CTTNBP2: variants seen among roughly 807,000 people sequenced by gnomAD.
CTTNBP2 encodes the protein cortactin binding protein 2.
CTTNBP2 carries 108 observed loss-of-function variants against 156.9 expected under a neutral mutation model. That is an observed-to-expected ratio of 0.69 (90% CI 0.59 to 0.81). The LOEUF (loss-of-function observed/expected upper bound fraction) is 0.81. CTTNBP2 is among the 30% of genes least tolerant of loss of function. CTTNBP2 has a pLI of 0.00. For missense variants in CTTNBP2, 1,924 were observed against 2,035.4 expected, an observed-to-expected ratio of 0.95 and a Z score of 1.05; for synonymous variants, 767 against 751.8, an observed-to-expected ratio of 1.02 and a Z score of -0.33.
intron 2 of CTTNBP2, among the ~76,000 whole-genome samples, chr7:117,855,819 C>T (rs576754891): frequency 1.4e-4 from 21 of 152,158 alleles, no homozygotes; most frequent in Admixed American, 4.6e-4. Context: ...GCCTAGATGG[C>T]ACTATACAGA....
intron 2 of CTTNBP2, among the ~76,000 whole-genome samples, chr7:117,847,279 T>TAAGCTACCCTGTA (rs879731526): frequency 7.2e-5 from 11 of 152,206 alleles, no homozygotes; most frequent in Non-Finnish European, 8.8e-5. Flanking sequence ...CTCACGCCTG[T>TAAGCTACCCTGTA]AATCCCAGCA....
intron 2 of CTTNBP2, among the ~76,000 whole-genome samples, chr7:117,817,191 G>A (rs898350604): frequency 4.6e-5 from 7 of 150,696 alleles, no homozygotes; most frequent in South Asian, 2.1e-4. Flanking sequence ...AATATTAGCC[G>A]GGTGTGGTGG....
intron 2 of CTTNBP2, among the ~76,000 whole-genome samples, chr7:117,851,691 C>G (rs1418632947): frequency 7.2e-5 from 11 of 152,084 alleles, no homozygotes; most frequent in Non-Finnish European, 1.6e-4. Context: ...CATTAGTTGT[C>G]CTATCTACAG....
intron 2 of CTTNBP2, among the ~76,000 whole-genome samples, chr7:117,844,443 G>A (rs1802462935): frequency 6.6e-6 from 1 of 152,146 alleles, no homozygotes; most frequent in Admixed American, 6.5e-5. Flanking sequence ...TGTAGGGTAT[G>A]GGAGAAAAGG....
At position 117,792,305 on chromosome 7, in the gene CTTNBP2, T is replaced by C. The variant is rs1375002806; in HGVS notation, c.891A>G (p.Thr297=). 6.2e-7 allele frequency: 1 copy of C among 1,614,132 alleles called. No individual in the cohort carries two copies. The highest frequency in any genetic ancestry group is 8.5e-7 in the Non-Finnish European group (1 of 1,180,050). Residue 297 remains threonine, a synonymous_variant, in exon 4 of 23, where the codon ACA becomes ACG. Transcript: ENST00000160373. This position sits in a 1 kb window ranked among gnomAD's most constrained non-coding sequence, Gnocchi z 4.2. ...CAACAGACCTTGTCACAGTTCCTTC[T>C]GTTCCCACAGATATGGAAACCAAAC... is the stretch of plus-strand genomic sequence containing the variant. ...DRRLVSISVG[T]EGTVTRSVAC...
intron 1 of CTTNBP2, among the ~76,000 whole-genome samples, chr7:117,872,916 C>T (rs1804720365): frequency 6.6e-6 from 1 of 151,620 alleles, no homozygotes; most frequent in South Asian, 2.1e-4. Context: ...ACCAGGCACC[C>T]CCGAGACACG....
At chr7:117,821,938 TTTC>T (rs1800995118) in intron 2 of CTTNBP2, among the ~76,000 whole-genome samples, 5 of 152,270 alleles carry the variant, frequency 3.3e-5, no homozygotes, top group Admixed American at 3.3e-4. Context: ...TCTGTAATTT[TTTC>T]TTTTTAATAC....
chr7:117,728,304 T>A (rs1795216092), intron 16 of CTTNBP2, 37 bp from the exon 17 acceptor site: 1 of 1,496,822 alleles, frequency 6.7e-7, no homozygotes, highest in South Asian at 1.2e-5. Context: ...GGGGCTTGGT[T>A]TAGAACATTT....
At chr7:117,758,484 C>T (rs890804759) in intron 10 of CTTNBP2, among the ~76,000 whole-genome samples, 1 of 151,854 alleles carries the variant, frequency 6.6e-6, no homozygotes, top group South Asian at 2.1e-4. Flanking sequence ...CCTCTGCTCA[C>T]TCTTGTTCTG....
chr7:117,720,192 T>C (rs1354219726), intron 20 of CTTNBP2, among the ~76,000 whole-genome samples: 2 of 152,112 alleles, frequency 1.3e-5, no homozygotes, highest in African/African-American at 2.4e-5. Context: ...CCCTTCTCTC[T>C]CTTTACCCTC....
chr7:117,791,295 G>C lies in CTTNBP2; in HGVS notation c.1901C>G (p.Ser634Cys). ...TGCAGCAGGCCAGGCACCCACCTGA[G>C]ACGTGGCCAGGGCTGAAACGGCACA... Reference protein sequence around the residue: ...AGCAVSALATSQVGAWPAATP... With the variant: ...AGCAVSALATCQVGAWPAATP... The change falls in exon 4 of 23, where the codon TCT (serine) becomes TGT (cysteine). Residue 634 changes from serine (S) to cysteine (C), a missense_variant. By Grantham distance (112) the Ser-to-Cys change is moderately radical. Transcript: ENST00000160373. 6.2e-7 allele frequency: 1 copy of C among 1,614,192 alleles called. No individual in the cohort carries two copies. The highest frequency in any genetic ancestry group is 8.5e-7 in the Non-Finnish European group (1 of 1,180,032).
chr7:117,860,318 T>G (rs1803631995), intron 2 of CTTNBP2, among the ~76,000 whole-genome samples: 2 of 152,052 alleles, frequency 1.3e-5, no homozygotes, highest in Admixed American at 6.6e-5. Flanking sequence ...TGATTAGACT[T>G]TCTTGATGTA....
chr7:117,755,732 T>A (rs1464140110), intron 12 of CTTNBP2, among the ~76,000 whole-genome samples: 1 of 152,274 alleles, frequency 6.6e-6, no homozygotes, highest in Non-Finnish European at 1.5e-5. Flanking sequence ...TACTTTCTTT[T>A]AATGATCATA....
intron 14 of CTTNBP2, among the ~76,000 whole-genome samples, chr7:117,740,592 T>TA (rs751694410): frequency 2.7e-4 from 41 of 152,278 alleles, no homozygotes; most frequent in Admixed American, 1.4e-3. Flanking sequence ...AATTTCTTGG[T>TA]AAAAAAAGAG....
intron 12 of CTTNBP2, among the ~76,000 whole-genome samples, chr7:117,752,978 TACAGA>T (rs989019495): frequency 6.6e-6 from 1 of 152,134 alleles, no homozygotes; most frequent in African/African-American, 2.4e-5. Flanking sequence ...ACAGACAACC[TACAGA>T]ACAGGAGAAC....
rs1297957639 is a variant in CTTNBP2, at chr7:117,728,275, G to A, written c.3877-8C>T. 1.9e-6 allele frequency: 3 copies of A among 1,596,850 alleles called. No homozygotes were observed. The highest frequency in any genetic ancestry group is 2.6e-6 in the Non-Finnish European group (3 of 1,170,870). ...GGGCGCCTGACCTTTGAACTAGAGA[G>A]ACAGGGAGGTGGAACCCAGGGGCTT... On this transcript the variant is annotated splice_polypyrimidine_tract_variant and splice_region_variant and intron_variant, in intron 16 of 22. Coordinates refer to ENST00000160373, the MANE Select transcript of CTTNBP2 (RefSeq NM_033427.3).
rs148064456 is a variant in CTTNBP2, at chr7:117,870,415, T to C, written c.81+2920A>G. On this transcript the variant is annotated intron_variant, in intron 1 of 22. Transcript: ENST00000160373. ...TTCAGTGCATTTACATTCAATACTG[T>C]CACCTGGAAAACAAAAATTTCAAGT... 4.6e-3 allele frequency among the ~76,000 whole-genome samples: 700 copies of C among 152,342 alleles called. 10 individuals are homozygous for C. The highest frequency in any genetic ancestry group is 0.016 in the African/African-American group (676 of 41,588).
intron 11 of CTTNBP2, among the ~76,000 whole-genome samples, 198 bp downstream of exon 11, chr7:117,757,677 T>C (rs35774527): frequency 0.018 from 2,756 of 152,158 alleles, 31 homozygotes; most frequent in South Asian, 0.033. Flanking sequence ...GACATTACCA[T>C]GGGTGTCAAG....
rs1352419745 is a variant in CTTNBP2 at position 117,782,868 on chromosome 7, T to C, written c.2366A>G (p.His789Arg). The C allele has an allele frequency of 1.9e-6, 3 of 1,610,558 alleles. No homozygotes were observed. Among genetic ancestry groups the C allele is most frequent in the South Asian group, 1.1e-5 (1 of 90,400 alleles). Residue 789 changes from histidine to arginine, a missense_variant, in exon 6 of 23, where the codon CAT becomes CGT. By Grantham distance (29) the His-to-Arg change is conservative (BLOSUM62 0). Coordinates refer to ENST00000160373, the MANE Select transcript of CTTNBP2 (RefSeq NM_033427.3). Reference sequence around the variant, plus strand: ...AGAATTAAGAGCAACTTACTCGAAATGTCCCTGAGCAGCTGCAGCACACAA... The same window carrying C: ...AGAATTAAGAGCAACTTACTCGAAACGTCCCTGAGCAGCTGCAGCACACAA... ...TPLCAAAAQG[H>R]FECVELLISY...
Sources: gnomAD v4.1 joint callset for allele counts (sites outside exome capture counted in the v4.1 genomes callset) on GRCh38, gnomAD v4.1.1 for gene constraint, Gnocchi (gnomAD v3.1) non-coding constraint, MANE v1.5 for transcripts, NCBI Gene and HGNC (gene_info 2026-07-23, HGNC 2026-07-21) for gene names.